ECI2: variants seen among roughly 807,000 people sequenced by gnomAD.
ECI2 encodes the protein enoyl-CoA delta isomerase 2, also known as D3,D2-enoyl-CoA isomerase.
Under a neutral mutation model 38.4 loss-of-function variants are expected in ECI2, and 27 were observed. The observed-to-expected ratio is 0.70, with a 90% CI of 0.52 to 0.97. ECI2 has a LOEUF of 0.97. Ranked by LOEUF, ECI2 falls within the 50% of genes least tolerant of loss-of-function variation. The pLI, the probability that ECI2 is intolerant of heterozygous loss-of-function variation, is 0.00. For synonymous variants in ECI2, 168 were observed against 172.0 expected, an observed-to-expected ratio of 0.98 and a Z score of 0.18; for missense variants, 470 against 474.4, an observed-to-expected ratio of 0.99 and a Z score of 0.09.
chr6:4,133,444 A>G, intron 2 of ECI2, 105 bp downstream of exon 2: 1 of 1,398,832 alleles, frequency 7.1e-7, no homozygotes, highest in Non-Finnish European at 9.7e-7. Context: ...AGGGAGCAAG[A>G]CAAACCAAAA....
chr6:4,116,090 C>G, intron 9 of ECI2, 61 bp from the exon 10 acceptor site: 1 of 1,552,020 alleles, frequency 6.4e-7, no homozygotes, highest in Non-Finnish European at 8.7e-7. Flanking sequence ...TGGACTCATG[C>G]CTGTAATCCC....
chr6:4,123,523 A>G, intron 7 of ECI2, among the ~76,000 whole-genome samples: 1 of 150,478 alleles, frequency 6.6e-6, no homozygotes, highest in East Asian at 1.9e-4. Context: ...TTTTGGCCAA[A>G]TTTTTTAGCA....
chr6:4,135,177 G>A, intron 1 of ECI2: 1 of 616,252 alleles, frequency 1.6e-6, no homozygotes, highest in South Asian at 1.5e-5. Flanking sequence ...TGCAGGCCCG[G>A]GTGCTCAGCT....
At position 4,125,390 on chromosome 6, in the gene ECI2, A is replaced by G. The variant is rs749735565; in HGVS notation, c.675-20T>C. 4 of 1,613,618 alleles carry G rather than the reference A, an allele frequency of 2.5e-6. No individual in the cohort carries two copies. In the Admixed American group the frequency reaches 6.7e-5, roughly 27 times the overall value. Reference sequence around the variant, plus strand: ...AATTCCCTACAGAAATGGAAACACAAAATCATTAAATGTGCCAAAGCAGCA... The same window carrying G: ...AATTCCCTACAGAAATGGAAACACAGAATCATTAAATGTGCCAAAGCAGCA... On this transcript the variant is annotated intron_variant, in intron 6 of 9. Coordinates refer to ENST00000380118, the MANE Select transcript of ECI2 (RefSeq NM_206836.3).
chr6:4,115,995 C>T lies in ECI2; in HGVS notation c.1064G>A (p.Arg355Lys), dbSNP rs1349670255. 6.2e-7 allele frequency: 1 copy of T among 1,613,698 alleles called. No individual in the cohort carries two copies. The highest frequency in any genetic ancestry group is 8.5e-7 in the Non-Finnish European group (1 of 1,179,928). Residue 355 changes from arginine to lysine, a missense_variant, in exon 10 of 10, where the codon AGA becomes AAA. Physicochemically the swap from Arg to Lys is conservative, Grantham distance 26 (BLOSUM62 2). Coordinates refer to ENST00000380118, the MANE Select transcript of ECI2 (RefSeq NM_206836.3). ...LRISKEVIRK[R>K]EREKLHAVNA... ...AACAGCGTGTAGTTTTTCTCTCTCTCTTTTCCTGATTACCTCTTTTGAAAT... is the reference window on the plus strand; with the variant it reads ...AACAGCGTGTAGTTTTTCTCTCTCTTTTTTCCTGATTACCTCTTTTGAAAT...
intron 7 of ECI2, chr6:4,122,083 G>T: frequency 1.5e-6 from 2 of 1,318,736 alleles, no homozygotes; most frequent in Non-Finnish European, 2.1e-6. Context: ...CATTTAAAAT[G>T]CTGATTTTCA....
Position 4,133,686 on chromosome 6 carries a change from C to G in ECI2, c.76G>C (p.Val26Leu), listed in dbSNP as rs1773599792. ...PSSLQVTSFPVVQLHMNRTAM... is the reference protein window; with the variant it reads ...PSSLQVTSFPLVQLHMNRTAM... ...GTTCTATTCATGTGCAGCTGAACTA[C>G]CGGGAAACTAGTGACCTGCAGAGAA... is the stretch of plus-strand genomic sequence containing the variant. Residue 26 changes from valine to leucine, a missense_variant, in exon 2 of 10, where the codon GTA (valine) becomes CTA (leucine). Val to Leu is a conservative substitution (Grantham distance 32). Coordinates refer to ENST00000380118, the MANE Select transcript of ECI2 (RefSeq NM_206836.3). 1.2e-6 allele frequency: 2 copies of G among 1,611,672 alleles called. No homozygotes were observed. Among genetic ancestry groups the G allele is most frequent in the African/African-American group, 2.7e-5 (2 of 74,796 alleles).
chr6:4,129,558 G>C (rs1336114702), intron 4 of ECI2, among the ~76,000 whole-genome samples: 1 of 152,158 alleles, frequency 6.6e-6, no homozygotes, highest in Non-Finnish European at 1.5e-5. Context: ...GAGAGTGCTG[G>C]CACTCATTAG....
intron 2 of ECI2, among the ~76,000 whole-genome samples, chr6:4,133,340 T>C (rs1773580252): frequency 6.6e-6 from 1 of 152,098 alleles, no homozygotes; most frequent in South Asian, 2.1e-4. Context: ...TTTACTCGTG[T>C]GACACTGAGG....
rs768987968 is a variant in ECI2, at chr6:4,135,542, C to G, written c.19G>C (p.Ala7Pro). 3 of 1,610,738 alleles carry G rather than the reference C, an allele frequency of 1.9e-6. No individual in the cohort carries two copies. In the East Asian group the frequency reaches 6.7e-5, roughly 36 times the overall value. Residue 7 changes from alanine (A) to proline (P), a missense_variant, in exon 1 of 10, where the codon GCT (alanine) becomes CCT (proline). Ala to Pro is a conservative substitution (Grantham distance 27, BLOSUM62 -1). Coordinates refer to ENST00000380118, the MANE Select transcript of ECI2 (RefSeq NM_206836.3). ...CACGAACGCCGCGCCAGTCTCCAAG[C>G]CAAGTACGCCATCGCCATCCCTTGG... MAMAYL[A>P]WRLARRSCPS...
chr6:4,126,507 G>C (rs1773168550), intron 5 of ECI2, among the ~76,000 whole-genome samples: 1 of 152,180 alleles, frequency 6.6e-6, no homozygotes, highest in African/African-American at 2.4e-5. Context: ...AGGGAGTTCA[G>C]GAAAGAACTT....
At chr6:4,116,897 GACT>G (rs1372915522) in intron 9 of ECI2, among the ~76,000 whole-genome samples, 1 of 152,134 alleles carries the variant, frequency 6.6e-6, no homozygotes, top group Admixed American at 6.5e-5. Context: ...CTGGCTCCAG[GACT>G]ACATTTTGAA....
chr6:4,126,300 G>T (rs538328737), intron 5 of ECI2, 63 bp from the exon 6 acceptor site: 6 of 1,390,430 alleles, frequency 4.3e-6, no homozygotes, highest in Non-Finnish European at 6.0e-6. Flanking sequence ...AGTATCTACT[G>T]CATGCCAAAC....
chr6:4,121,693 G>GTT (rs3838251), intron 7 of ECI2, among the ~76,000 whole-genome samples: 58 of 139,236 alleles, frequency 4.2e-4, no homozygotes, highest in African/African-American at 7.7e-4. Context: ...GTCATTTTTA[G>GTT]TTTTTTTTTT....
intron 2 of ECI2, 133 bp from the exon 3 acceptor site, chr6:4,130,998 A>C (rs930660227): frequency 2.6e-5 from 20 of 762,956 alleles, no homozygotes; most frequent in Non-Finnish European, 3.9e-5. Flanking sequence ...AATTGATCTG[A>C]ATTTTCCCCT....
At chr6:4,130,100 C>T (rs1261001474) in intron 4 of ECI2, 1 of 1,610,836 alleles carries the variant, frequency 6.2e-7, no homozygotes, top group African/African-American at 1.3e-5. Context: ...CTCATAGCAA[C>T]ATGTTTCATT....
At chr6:4,130,102 T>C in intron 4 of ECI2, 1 of 1,611,220 alleles carries the variant, frequency 6.2e-7, no homozygotes, top group Non-Finnish European at 8.5e-7. Context: ...CATAGCAACA[T>C]GTTTCATTTA....
chr6:4,125,017 T>C, intron 7 of ECI2: 1 of 673,388 alleles, frequency 1.5e-6, no homozygotes, highest in South Asian at 1.6e-5. Context: ...GGAATTTGAT[T>C]AGAATCCGGA....
intron 7 of ECI2, chr6:4,122,013 A>C: frequency 6.2e-7 from 1 of 1,607,368 alleles, no homozygotes; most frequent in Non-Finnish European, 8.5e-7. Context: ...GAAACTGAGA[A>C]ACCTGCCAAC....
Sources: gnomAD v4.1 joint callset for allele counts (sites outside exome capture counted in the v4.1 genomes callset) on GRCh38, gnomAD v4.1.1 for gene constraint, MANE v1.5 for transcripts, NCBI Gene and HGNC (gene_info 2026-07-23, HGNC 2026-07-21) for gene names.